TBC1D4: variants seen among roughly 807,000 people sequenced by gnomAD.
TBC1D4 encodes TBC (Tre-2, BUB2, CDC16) domain-containing protein.
In TBC1D4, 121 loss-of-function variants were observed where a neutral mutation model predicts 142.5. The ratio of observed to expected loss-of-function variants is 0.85; its 90% confidence interval spans 0.73 to 0.99. TBC1D4 has a LOEUF of 0.99. Among genes scored for constraint, TBC1D4 ranks in the 50% least tolerant of loss-of-function variants. TBC1D4 has a pLI of 0.00. For missense variants in TBC1D4, 1,475 were observed against 1,606.6 expected (o/e 0.92, Z 1.40); for synonymous variants, 630 against 628.2 (o/e 1.00, Z -0.04).
chr13:75,343,365 G>C (rs1338261064), intron 5 of TBC1D4, among the ~76,000 whole-genome samples: 1 of 152,150 alleles, frequency 6.6e-6, no homozygotes, highest in Non-Finnish European at 1.5e-5. Flanking sequence ...AGTACTGAAT[G>C]AGAACTAGAG....
At chr13:75,453,988 CAATT>C (rs1887631761) in intron 1 of TBC1D4, among the ~76,000 whole-genome samples, 1 of 151,292 alleles carries the variant, frequency 6.6e-6, no homozygotes, top group South Asian at 2.1e-4. Flanking sequence ...TGTAAAAATA[CAATT>C]ATTTCTAATA....
chr13:75,340,035 T>A (rs943158789), intron 7 of TBC1D4, among the ~76,000 whole-genome samples: 1 of 152,238 alleles, frequency 6.6e-6, no homozygotes, highest in South Asian at 2.1e-4. Context: ...GATTCTTTTT[T>A]AAAGCCACTT....
intron 1 of TBC1D4, among the ~76,000 whole-genome samples, chr13:75,469,315 C>T (rs1361889692): frequency 2.0e-5 from 3 of 152,106 alleles, no homozygotes; most frequent in Non-Finnish European, 4.4e-5. Flanking sequence ...CCTGATCTGG[C>T]TCGTATTTTA....
At chr13:75,328,798 T>C (rs1330532695) in intron 8 of TBC1D4, among the ~76,000 whole-genome samples, 2 of 152,184 alleles carry the variant, frequency 1.3e-5, no homozygotes, top group African/African-American at 4.8e-5. Flanking sequence ...TTCTTAGGTT[T>C]ATTTGGGGGT....
chr13:75,446,230 A>T (rs988729226), intron 1 of TBC1D4, among the ~76,000 whole-genome samples: 68 of 152,228 alleles, frequency 4.5e-4, no homozygotes, highest in Non-Finnish European at 8.5e-4. Flanking sequence ...GCTGCACTTT[A>T]AAAAATTTAG....
chr13:75,316,076 C>A (rs1878291620), intron 12 of TBC1D4, among the ~76,000 whole-genome samples: 1 of 152,144 alleles, frequency 6.6e-6, no homozygotes, highest in South Asian at 2.1e-4. Context: ...AGTGCTCTAA[C>A]AAACCAGAGT....
In TBC1D4 at chr13:75,362,203, CA is replaced by C; in HGVS notation, c.902del (p.Leu301TrpfsTer78). On this transcript the variant is annotated frameshift_variant, in exon 2 of 21. Transcript: ENST00000377636. LOFTEE classifies it high-confidence loss of function. The surrounding 1 kb of genome is among the most constrained non-coding windows in gnomAD (Gnocchi z 4.2). ...GCTGCTCATCAAAGCCAGAATCTTC[CA>C]AAATCCGCTCAGGGAAGCAGACCCG... ...SSRVCFPERILEDSGFDEQQE... is the reference protein window; with the variant it reads ...SSRVCFPERIXEDSGFDEQQE... 1 of 1,613,832 alleles carries C rather than the reference CA, an allele frequency of 6.2e-7. No individual in the cohort carries two copies. The highest frequency in any genetic ancestry group is 8.5e-7 in the Non-Finnish European group (1 of 1,179,986).
chr13:75,419,504 T>C (rs1386971831), intron 1 of TBC1D4, among the ~76,000 whole-genome samples: 4 of 152,158 alleles, frequency 2.6e-5, no homozygotes, highest in Non-Finnish European at 5.9e-5. Context: ...TACCTCGAAG[T>C]TGTATAAAAT....
At chr13:75,315,628 G>A (rs1484802260) in intron 12 of TBC1D4, among the ~76,000 whole-genome samples, 1 of 151,898 alleles carries the variant, frequency 6.6e-6, no homozygotes, top group African/African-American at 2.4e-5. Context: ...TATATTTCTA[G>A]CTTGTAGTGT....
chr13:75,458,729 GT>G (rs143862017), intron 1 of TBC1D4, among the ~76,000 whole-genome samples: 4,322 of 151,912 alleles, frequency 0.028, 216 homozygotes, highest in East Asian at 0.23. Flanking sequence ...TTTTTTAACA[GT>G]TTTTTTTAAA....
intron 1 of TBC1D4, among the ~76,000 whole-genome samples, chr13:75,379,285 T>C (rs1303991483): frequency 1.3e-5 from 2 of 151,806 alleles, no homozygotes; most frequent in Non-Finnish European, 2.9e-5. Context: ...CACACAGCTT[T>C]TCAAGATATG....
At position 75,318,023 on chromosome 13, in the gene TBC1D4, T is replaced by C. The variant is rs147617329; in HGVS notation, c.2222+1991A>G. Among the ~76,000 whole-genome samples, 102 of 152,346 alleles carry C rather than the reference T, an allele frequency of 6.7e-4. 1 individual carries two copies. Among genetic ancestry groups the C allele is most frequent in the African/African-American group, 2.3e-3 (97 of 41,588 alleles). On this transcript the variant is annotated intron_variant, in intron 12 of 20. Transcript: ENST00000377636. Reference sequence around the variant, plus strand: ...ATCCTTGAACAAGCAGTTATAGTCTTCACCAGATCAACTCTTAAATTAACA... The same window carrying C: ...ATCCTTGAACAAGCAGTTATAGTCTCCACCAGATCAACTCTTAAATTAACA...
intron 16 of TBC1D4, among the ~76,000 whole-genome samples, chr13:75,300,500 T>C (rs1231732849): frequency 6.6e-6 from 1 of 151,240 alleles, no homozygotes; most frequent in Non-Finnish European, 1.5e-5. Context: ...CTCCCACATA[T>C]GCTTAAAAGT....
At chr13:75,310,549 G>A (rs142979972) in intron 13 of TBC1D4, among the ~76,000 whole-genome samples, 21 of 152,286 alleles carry the variant, frequency 1.4e-4, no homozygotes, top group African/African-American at 4.3e-4. Flanking sequence ...ATCAGAATCC[G>A]TCAGGAGCAT....
At chr13:75,441,590 T>C (rs1227636272) in intron 1 of TBC1D4, among the ~76,000 whole-genome samples, 2 of 152,228 alleles carry the variant, frequency 1.3e-5, no homozygotes, top group African/African-American at 4.8e-5. Context: ...TCTAAAAATA[T>C]GATTTTTTAT....
Position 75,294,922 on chromosome 13 carries a change from T to A in TBC1D4, c.3248A>T (p.Tyr1083Phe). The A allele has an allele frequency of 6.2e-7, 1 of 1,613,932 alleles. No individual in the cohort carries two copies. Among genetic ancestry groups the A allele is most frequent in the Non-Finnish European group, 8.5e-7 (1 of 1,179,880 alleles). ...CAATGTGAGGAACCAGGGGGCAGCA[T>A]AAAGACTGGGGCTGATTTCATTTTC... ...LEENEISPSL[Y>F]AAPWFLTLFA... is the part of the protein sequence containing the mutation. Residue 1083 changes from tyrosine (Y) to phenylalanine (F), a missense_variant, in exon 18 of 21, where the codon TAT becomes TTT. Tyr to Phe is a conservative substitution (Grantham distance 22). Transcript: ENST00000377636.
intron 1 of TBC1D4, among the ~76,000 whole-genome samples, chr13:75,370,200 C>T (rs770044511): frequency 2.0e-5 from 3 of 152,134 alleles, no homozygotes; most frequent in Non-Finnish European, 4.4e-5. Context: ...CTGTGAGGAA[C>T]CAGCATGGCT....
At chr13:75,292,297 G>C (rs776001853) in intron 18 of TBC1D4, 26 bp from the exon 19 acceptor site, 1 of 1,584,158 alleles carries the variant, frequency 6.3e-7, no homozygotes, top group Non-Finnish European at 8.6e-7. Context: ...TAATTTTCAT[G>C]ATCAAAACTA....
At chr13:75,363,780 G>A (rs1882728068) in intron 1 of TBC1D4, among the ~76,000 whole-genome samples, 1 of 152,162 alleles carries the variant, frequency 6.6e-6, no homozygotes, top group Non-Finnish European at 1.5e-5. Context: ...AGATTTTCTG[G>A]TTCACAACTC....
Sources: gnomAD v4.1 joint callset for allele counts (sites outside exome capture counted in the v4.1 genomes callset) on GRCh38, gnomAD v4.1.1 for gene constraint, Gnocchi (gnomAD v3.1) non-coding constraint, MANE v1.5 for transcripts, NCBI Gene and HGNC (gene_info 2026-07-23, HGNC 2026-07-21) for gene names.